LRP1: variants seen among roughly 807,000 people sequenced by gnomAD.
LRP1 encodes the protein LDL receptor related protein 1, also known as prolow-density lipoprotein receptor-related protein 1.
A neutral mutation model predicts 541.5 loss-of-function variants in LRP1; 51 were observed. The ratio of observed to expected loss-of-function variants is 0.09; its 90% CI spans 0.08 to 0.12. The LOEUF (loss-of-function observed/expected upper bound fraction) is 0.12. LRP1 is among the 10% of genes least tolerant of loss of function. The pLI, the probability that LRP1 is intolerant of heterozygous loss-of-function variation, is 1.00. For synonymous variants in LRP1, 2,219 were observed against 2,470.8 expected (o/e 0.90, Z 3.02); for missense variants, 3,878 against 6,376.2 (o/e 0.61, Z 13.34).
intron 18 of LRP1, 65 bp downstream of exon 18, chr12:57,167,111 G>A (rs1194628336): frequency 7.9e-6 from 11 of 1,384,198 alleles, no homozygotes; most frequent in Non-Finnish European, 1.1e-5. Context: ...GAGCATGCCA[G>A]TTGGGGGTGC....
chr12:57,130,878 G>A (rs945708111), intron 1 of LRP1, among the ~76,000 whole-genome samples: 13 of 152,108 alleles, frequency 8.5e-5, no homozygotes. Context: ...CTCCAGCTCA[G>A]ATCAAACTAT....
Position 57,187,404 on chromosome 12 carries a change from A to G in LRP1, c.6979A>G (p.Thr2327Ala). The change falls in exon 42 of 89, where the codon ACT becomes GCT. Residue 2327 changes from threonine to alanine, a missense_variant. Thr to Ala is a moderately conservative substitution (Grantham distance 58). Transcript: ENST00000243077. ...PGAFERETVI[T>A]MSGDDHPRAF... ...GGCCTTCGAGCGTGAGACCGTCATC[A>G]CTATGTCTGGAGATGACCACCCACG... The G allele has an allele frequency of 6.2e-7, 1 of 1,614,178 alleles. No individual in the cohort carries two copies. Among genetic ancestry groups the G allele is most frequent in the Non-Finnish European group, 8.5e-7 (1 of 1,180,032 alleles).
Position 57,204,895 on chromosome 12 carries a change from G to C in LRP1, c.11194+146G>C. 3 of 1,398,248 alleles carry C rather than the reference G, an allele frequency of 2.1e-6. No homozygotes were observed. The highest frequency in any genetic ancestry group is 2.9e-6 in the Non-Finnish European group (3 of 1,038,432). 86.6% of individuals were successfully genotyped at this position (1,398,248 alleles called of 1,614,324 possible). On this transcript the variant is annotated intron_variant, in intron 72 of 88. Coordinates refer to ENST00000243077, the MANE Select transcript of LRP1 (RefSeq NM_002332.3). This position sits in a 1 kb window ranked among gnomAD's most constrained non-coding sequence, Gnocchi z 5.3. ...AGGATCCATTGCTAGGAGCCTGGGG[G>C]CTTTTCGTTAGGAAAGAGAAGCCCC...
In LRP1 at chr12:57,203,183, C is replaced by G; in HGVS notation, c.10714C>G (p.Pro3572Ala). The G allele has an allele frequency of 6.3e-7, 1 of 1,584,048 alleles. No homozygotes were observed. The highest frequency in any genetic ancestry group is 8.6e-7 in the Non-Finnish European group (1 of 1,164,536). The change falls in exon 69 of 89, where the codon CCT (proline) becomes GCT (alanine). Residue 3572 changes from proline to alanine, a missense_variant and splice_region_variant. By Grantham distance (27) the Pro-to-Ala change is conservative. Coordinates refer to ENST00000243077, the MANE Select transcript of LRP1 (RefSeq NM_002332.3). The stretch of plus-strand genomic sequence containing the variant: ...CTGTCTCCCCCTGTCCTTCCCAGCC[C>G]CTCGGCCCTGCTCCGAGAGTGAGTT... ...GDNSDEESCT[P>A]RPCSESEFSC...
rs758050211 is a variant in LRP1, at chr12:57,181,325, A to G, written c.5662+34A>G. The G allele has an allele frequency of 2.0e-5, 32 of 1,593,934 alleles. No homozygotes were observed. In the East Asian group the frequency reaches 6.9e-4, roughly 34 times the overall value. ...CTGGCTTTCCTCCCAGCCTTGTCCC[A>G]GCTCCCCAACCCTGACCCCTCCTAC... On this transcript the variant is annotated intron_variant, in intron 34 of 88. Coordinates refer to ENST00000243077, the MANE Select transcript of LRP1 (RefSeq NM_002332.3).
intron 45 of LRP1, 79 bp from the exon 46 acceptor site, chr12:57,193,097 T>G: frequency 6.3e-7 from 1 of 1,592,038 alleles, no homozygotes; most frequent in Non-Finnish European, 8.6e-7. Flanking sequence ...GATGATGACC[T>G]CAGCTCCCCG....
chr12:57,171,191 G>A (rs1413736667), intron 20 of LRP1, among the ~76,000 whole-genome samples: 2 of 152,222 alleles, frequency 1.3e-5, no homozygotes, highest in Admixed American at 1.3e-4. Flanking sequence ...CTTCCCCTGA[G>A]CCTGGGCATC....
chr12:57,208,779 G>A lies in LRP1; in HGVS notation c.12107G>A (p.Arg4036Gln). 1.2e-6 allele frequency: 2 copies of A among 1,614,062 alleles called. No individual in the cohort carries two copies. Among genetic ancestry groups the A allele is most frequent in the South Asian group, 1.1e-5 (1 of 91,086 alleles). ...IETAAMDGTLRETLVQDNIQW... is the reference protein window; with the variant it reads ...IETAAMDGTLQETLVQDNIQW... ...ACGGCAGCGATGGATGGGACGCTTCGGGAGACACTGGTGCAGGACAACATT... is the reference window on the plus strand; with the variant it reads ...ACGGCAGCGATGGATGGGACGCTTCAGGAGACACTGGTGCAGGACAACATT... Residue 4036 changes from arginine to glutamine, a missense_variant, in exon 78 of 89, where the codon CGG becomes CAG. Coordinates refer to ENST00000243077, the MANE Select transcript of LRP1 (RefSeq NM_002332.3).
chr12:57,202,054 A>G, intron 67 of LRP1, 149 bp downstream of exon 67: 1 of 1,039,404 alleles, frequency 9.6e-7, no homozygotes, highest in Non-Finnish European at 1.4e-6. Context: ...GGGGCTGGGG[A>G]AGGAGGCCTG....
In LRP1 at chr12:57,162,285, C is replaced by T; in HGVS notation, c.2203-32C>T. 6.3e-7 allele frequency: 1 copy of T among 1,590,630 alleles called. No individual in the cohort carries two copies. Among genetic ancestry groups the T allele is most frequent in the Non-Finnish European group, 8.6e-7 (1 of 1,159,032 alleles). On this transcript the variant is annotated intron_variant, in intron 13 of 88. Coordinates refer to ENST00000243077, the MANE Select transcript of LRP1 (RefSeq NM_002332.3). The surrounding 1 kb of genome is among the most constrained non-coding windows in gnomAD (Gnocchi z 5.2). ...TCACAGGCCTCCCTCAATTTTCTTC[C>T]AACTCCTTAGTAACATCCTCTCCAT...
At chr12:57,194,525 G>A (rs2036484965) in intron 49 of LRP1, 22 bp downstream of exon 49, 2 of 1,611,162 alleles carry the variant, frequency 1.2e-6, no homozygotes, top group Middle Eastern at 1.6e-4. Flanking sequence ...CAGGTGTGTG[G>A]TGGGTGGTGG....
At position 57,211,225 on chromosome 12, in the gene LRP1, T is replaced by C. The variant is rs2036906991; in HGVS notation, c.12966T>C (p.Ala4322=). The change falls in exon 84 of 89, where the codon GCT becomes GCC. Residue 4322 remains alanine, a synonymous_variant. Coordinates refer to ENST00000243077, the MANE Select transcript of LRP1 (RefSeq NM_002332.3). This position sits in a 1 kb window ranked among gnomAD's most constrained non-coding sequence, Gnocchi z 4.3. The part of the protein sequence containing the change: ...CENFGTCQMA[A]DGSRQCRCTA... ...ACTTTGGCACATGCCAGATGGCTGC[T>C]GATGGCTCCCGACAATGCCGCTGCA... 3.1e-6 allele frequency: 5 copies of C among 1,614,126 alleles called. No individual in the cohort carries two copies. The highest frequency in any genetic ancestry group is 4.2e-6 in the Non-Finnish European group (5 of 1,180,050).
At chr12:57,200,876 G>A (rs569481832) in intron 64 of LRP1, 61 bp downstream of exon 64, 135 of 1,525,952 alleles carry the variant, frequency 8.8e-5, no homozygotes, top group Non-Finnish European at 1.2e-4. Flanking sequence ...CCAGGATTTG[G>A]GGCTTTCAAG....
At chr12:57,167,074 G>A in intron 18 of LRP1, 28 bp downstream of exon 18, 1 of 1,592,538 alleles carries the variant, frequency 6.3e-7, no homozygotes, top group Non-Finnish European at 8.6e-7. Context: ...AGGGAGTCAG[G>A]CTGGGCCTGG....
In LRP1 at chr12:57,184,923, C is replaced by T; in HGVS notation, c.6271C>T (p.Leu2091=). The T allele has an allele frequency of 3.1e-6, 5 of 1,614,164 alleles. No individual in the cohort carries two copies. Among genetic ancestry groups the T allele is most frequent in the Non-Finnish European group, 4.2e-6 (5 of 1,180,024 alleles). Residue 2091 remains leucine (L), a synonymous_variant, in exon 39 of 89, where the codon CTG becomes TTG. Transcript: ENST00000243077. The surrounding 1 kb of genome is among the most constrained non-coding windows in gnomAD (Gnocchi z 7.8). ...GACAGGTGAGAACCGCGAGGTGGTTCTGTCCAGCAACAACATGGACATGTT... is the reference window on the plus strand; with the variant it reads ...GACAGGTGAGAACCGCGAGGTGGTTTTGTCCAGCAACAACATGGACATGTT... The part of the protein sequence containing the change: ...LETGENREVV[L]SSNNMDMFSV...
intron 42 of LRP1, among the ~76,000 whole-genome samples, chr12:57,188,198 C>T (rs35117746): frequency 1.3e-5 from 2 of 152,300 alleles, no homozygotes; most frequent in African/African-American, 4.8e-5. Context: ...CCGCAGTCAG[C>T]CTGCTCTGTT....
Position 57,201,791 on chromosome 12 carries a change from T to C in LRP1, c.10480T>C (p.Cys3494Arg). ...DEPANCTQMT[C>R]GVDEFRCKDS... ...CCACCCGCTTGCAGCCCAGATGACC[T>C]GTGGTGTGGACGAGTTCCGCTGCAA... is the stretch of plus-strand genomic sequence containing the variant. Residue 3494 changes from cysteine (C) to arginine (R), a missense_variant, in exon 67 of 89, where the codon TGT (cysteine) becomes CGT (arginine). Cys to Arg is a radical substitution (Grantham distance 180). This residue lies in a region of LRP1 where 278 missense variants were observed against 536.3 expected (regional missense o/e 0.52). Coordinates refer to ENST00000243077, the MANE Select transcript of LRP1 (RefSeq NM_002332.3). The surrounding 1 kb of genome is among the most constrained non-coding windows in gnomAD (Gnocchi z 6.4). 6.2e-7 allele frequency: 1 copy of C among 1,613,910 alleles called. No individual in the cohort carries two copies. Among genetic ancestry groups the C allele is most frequent in the Non-Finnish European group, 8.5e-7 (1 of 1,179,968 alleles).
chr12:57,206,821 T>C lies in LRP1; in HGVS notation c.11859+80T>C, dbSNP rs948038324. The C allele has an allele frequency of 1.9e-5, 29 of 1,518,680 alleles. No homozygotes were observed. Among genetic ancestry groups the C allele is most frequent in the Non-Finnish European group, 2.3e-5 (26 of 1,121,234 alleles). 94.1% of individuals were successfully genotyped at this position (1,518,680 alleles called of 1,614,324 possible). ...TCAGAGCAGGATTTGAAAAGGGCAG[T>C]GCTGGCTAGGCGCAGTGGCTCACGC... On this transcript the variant is annotated intron_variant, in intron 76 of 88. Transcript: ENST00000243077. This position sits in a 1 kb window ranked among gnomAD's most constrained non-coding sequence, Gnocchi z 4.7.
chr12:57,139,588 T>G (rs1397677978), intron 2 of LRP1, among the ~76,000 whole-genome samples: 1 of 152,164 alleles, frequency 6.6e-6, no homozygotes, highest in Non-Finnish European at 1.5e-5. Flanking sequence ...CATTCTTCCT[T>G]CAATTTGCTG....
Sources: allele counts gnomAD v4.1 joint callset (sites outside exome capture counted in the v4.1 genomes callset), GRCh38; gene constraint gnomAD v4.1.1; regional missense constraint gnomAD v4.1.1; non-coding constraint Gnocchi (gnomAD v3.1); transcripts MANE v1.5; gene names NCBI Gene and HGNC (gene_info 2026-07-23, HGNC 2026-07-21).